Variants in RTKN2 observed in about 807,000 individuals in gnomAD.
RTKN2 encodes rhotekin-2.
Under a neutral mutation model 71.5 loss-of-function variants are expected in RTKN2, and 69 were observed. That is an observed-to-expected ratio of 0.96 (90% CI 0.79 to 1.18). RTKN2 has a LOEUF of 1.18. RTKN2 is among the 50% of genes most tolerant of loss of function. RTKN2 has a pLI of 0.00. For missense variants in RTKN2, 724 were observed against 719.7 expected, an observed-to-expected ratio of 1.01 and a Z score of -0.07; for synonymous variants, 236 against 236.5, an observed-to-expected ratio of 1.00 and a Z score of 0.02.
Position 62,198,273 on chromosome 10 carries a change from G to A in RTKN2, c.1465C>T (p.Pro489Ser), listed in dbSNP as rs780925935. The change falls in exon 12 of 12, where the codon CCT becomes TCT. Residue 489 changes from proline (P) to serine (S), a missense_variant. By Grantham distance (74) the Pro-to-Ser change is moderately conservative. Coordinates refer to ENST00000373789, the MANE Select transcript of RTKN2 (RefSeq NM_145307.4). Reference sequence around the variant, plus strand: ...TCATCATGTAATGGCTCACTTGCAGGATACAGTACCTTTTTCTGGATGACC... The same window carrying A: ...TCATCATGTAATGGCTCACTTGCAGAATACAGTACCTTTTTCTGGATGACC... The part of the protein sequence containing the change: ...QMVIQKKVLY[P>S]ASEPLHDEKG... The A allele has an allele frequency of 6.8e-6, 11 of 1,613,778 alleles. No individual in the cohort carries two copies. In the East Asian group the frequency reaches 2.2e-4, roughly 33 times the overall value.
At chr10:62,236,034 A>C (rs751921963) in intron 6 of RTKN2, 32 bp downstream of exon 6, 4 of 1,374,882 alleles carry the variant, frequency 2.9e-6, no homozygotes. Flanking sequence ...ATGTATAATT[A>C]TGTCACCATA....
At chr10:62,208,376 AG>A (rs1378848028) in intron 9 of RTKN2, among the ~76,000 whole-genome samples, 1 of 152,202 alleles carries the variant, frequency 6.6e-6, no homozygotes, top group Non-Finnish European at 1.5e-5. Flanking sequence ...AGCCTGGGCC[AG>A]GAAATGTATA....
At chr10:62,208,595 T>C (rs1841594673) in intron 9 of RTKN2, among the ~76,000 whole-genome samples, 1 of 152,170 alleles carries the variant, frequency 6.6e-6, no homozygotes, top group African/African-American at 2.4e-5. Flanking sequence ...ATGAACTCAT[T>C]GGTCACCTGT....
At chr10:62,217,736 T>C (rs569316942) in intron 8 of RTKN2, among the ~76,000 whole-genome samples, 3 of 152,342 alleles carry the variant, frequency 2.0e-5, no homozygotes, top group Non-Finnish European at 2.9e-5. Context: ...TATTGATTCA[T>C]TGAAGTTCAC....
In RTKN2 at chr10:62,241,141, C is replaced by T. The variant is rs753667914; in HGVS notation, c.370+1G>A. On this transcript the variant is annotated splice_donor_variant, in intron 4 of 11. Transcript: ENST00000373789. LOFTEE classifies it high-confidence loss of function. ...CAATTACAAATTAAAATCATACATA[C>T]GTTCTTTATTGCTGAAGTGATCAGA... The T allele has an allele frequency of 1.5e-5, 22 of 1,506,464 alleles. No homozygotes were observed. Among genetic ancestry groups the T allele is most frequent in the South Asian group, 1.3e-4 (11 of 85,542 alleles). The allele number at this position is 1,506,464 out of a possible 1,614,324, so 93.3% of individuals were successfully genotyped here. A position where few individuals can be genotyped will look rare whatever the true frequency, so the allele number is the denominator to read the frequency against.
At chr10:62,231,594 T>C (rs1432471164) in intron 6 of RTKN2, among the ~76,000 whole-genome samples, 1 of 152,188 alleles carries the variant, frequency 6.6e-6, no homozygotes, top group Non-Finnish European at 1.5e-5. Context: ...TAGCCAACCC[T>C]AATTTTGAGT....
intron 1 of RTKN2, among the ~76,000 whole-genome samples, chr10:62,267,822 G>A (rs1047863637): frequency 3.3e-5 from 5 of 152,206 alleles, no homozygotes; most frequent in Non-Finnish European, 5.9e-5. Context: ...AAAGACATCA[G>A]AGTTTTCTTT....
Position 62,218,223 on chromosome 10 carries a change from T to A in RTKN2, c.860A>T (p.Asp287Val), listed in dbSNP as rs1000043503. The change falls in exon 8 of 12, where the codon GAT becomes GTT. Residue 287 changes from aspartate to valine, a missense_variant. Asp to Val is a radical substitution (Grantham distance 152, BLOSUM62 -3). Coordinates refer to ENST00000373789, the MANE Select transcript of RTKN2 (RefSeq NM_145307.4). ...LVAQPACMAE[D>V]AFAGFLNQQQ... is the part of the protein sequence containing the mutation. ...CTGATTAAGAAATCCTGCAAATGCA[T>A]CCTCAGCCATACAAGCTGGCTGGGC... The A allele has an allele frequency of 3.1e-6, 5 of 1,612,936 alleles. No homozygotes were observed. Among genetic ancestry groups the A allele is most frequent in the Non-Finnish European group, 4.2e-6 (5 of 1,179,366 alleles).
intron 6 of RTKN2, among the ~76,000 whole-genome samples, chr10:62,234,504 AAAAG>A (rs1440941379): frequency 4.4e-4 from 51 of 117,190 alleles, no homozygotes; most frequent in African/African-American, 1.4e-3. Context: ...TAAAAAAAAA[AAAAG>A]AAAAAGAAAA....
In RTKN2 at chr10:62,196,577, T is replaced by C. The variant is rs551718715; in HGVS notation, c.*1331A>G. ...AAGTGTTCATTTTGTTTTGTAATAATGTAGTTCTGATCCAAATAGAGTTCT... is the reference window on the plus strand; with the variant it reads ...AAGTGTTCATTTTGTTTTGTAATAACGTAGTTCTGATCCAAATAGAGTTCT... On this transcript the variant is annotated 3_prime_UTR_variant, in exon 12 of 12. Coordinates refer to ENST00000373789, the MANE Select transcript of RTKN2 (RefSeq NM_145307.4). 1.3e-5 allele frequency: 13 copies of C among 985,328 alleles called. No homozygotes were observed. In the South Asian group the frequency reaches 6.1e-4, roughly 46 times the overall value. The allele number at this position is 985,328 out of a possible 1,614,324, so 61.0% of individuals were successfully genotyped here.
chr10:62,256,674 G>C (rs1386386524), intron 2 of RTKN2, among the ~76,000 whole-genome samples: 1 of 151,968 alleles, frequency 6.6e-6, no homozygotes, highest in Non-Finnish European at 1.5e-5. Flanking sequence ...ACACATGCTA[G>C]TATGTGTATT....
intron 9 of RTKN2, among the ~76,000 whole-genome samples, chr10:62,208,192 T>G (rs1468018134): frequency 6.6e-6 from 1 of 152,192 alleles, no homozygotes; most frequent in Admixed American, 6.5e-5. Context: ...GAATTAAAAC[T>G]GTACTTCCTC....
chr10:62,246,045 A>C lies in RTKN2; in HGVS notation c.270T>G (p.Phe90Leu). 1.3e-6 allele frequency: 2 copies of C among 1,595,248 alleles called. No individual in the cohort carries two copies. Among genetic ancestry groups the C allele is most frequent in the South Asian group, 2.3e-5 (2 of 88,040 alleles). ...ANQTGRCDVK[F>L]ESKERTACKG... ...TACATGCTGTTCGTTCTTTACTTTCAAATTTCACATCACTGTCAAAACAAA... is the reference window on the plus strand; with the variant it reads ...TACATGCTGTTCGTTCTTTACTTTCCAATTTCACATCACTGTCAAAACAAA... The change falls in exon 3 of 12, where the codon TTT becomes TTG. Residue 90 changes from phenylalanine (F) to leucine (L), a missense_variant. Coordinates refer to ENST00000373789, the MANE Select transcript of RTKN2 (RefSeq NM_145307.4).
intron 1 of RTKN2, among the ~76,000 whole-genome samples, chr10:62,263,229 T>C (rs931381712): frequency 3.9e-5 from 6 of 152,140 alleles, no homozygotes; most frequent in African/African-American, 1.2e-4. Flanking sequence ...ATGACTAGTG[T>C]CCTTAAAGAA....
At chr10:62,213,721 TAG>T (rs1476179633) in intron 9 of RTKN2, among the ~76,000 whole-genome samples, 7 of 152,088 alleles carry the variant, frequency 4.6e-5, no homozygotes, top group Non-Finnish European at 8.8e-5. Flanking sequence ...TCAAAAAATA[TAG>T]ATTTAATCAA....
At chr10:62,186,790 C>T (rs975286570) in intron 8 of RTKN2, among the ~76,000 whole-genome samples, 1 of 151,890 alleles carries the variant, frequency 6.6e-6, no homozygotes, top group African/African-American at 2.4e-5. Flanking sequence ...ATGAATAAAT[C>T]CAACTAATTT....
rs1841821954 is a variant in RTKN2, at chr10:62,218,273, A to G, written c.810T>C (p.Tyr270=). 6.2e-7 allele frequency: 1 copy of G among 1,613,118 alleles called. No individual in the cohort carries two copies. The highest frequency in any genetic ancestry group is 8.5e-7 in the Non-Finnish European group (1 of 1,179,428). ...NEESSFWLPL[Y]GNMCCRLVAQ... ...CAACTAGTCGGCAGCACATGTTGCC[A>G]TACAGGGGAAGCCAAAATGAAGACT... Residue 270 remains tyrosine (Y), a synonymous_variant, in exon 8 of 12, where the codon TAT becomes TAC. Transcript: ENST00000373789.
Position 62,197,913 on chromosome 10 carries a change from C to T in RTKN2, c.1825G>A (p.Val609Ile). ...LDPRSWLQAQ[V>I] ...GTTTTATCATTAAGAGTTTTCTATA[C>T]TTGTGCCTGCAGCCATGATCTAGGG... The change falls in exon 12 of 12, where the codon GTA becomes ATA. Residue 609 changes from valine (V) to isoleucine (I), a missense_variant. Coordinates refer to ENST00000373789, the MANE Select transcript of RTKN2 (RefSeq NM_145307.4). The T allele has an allele frequency of 6.2e-7, 1 of 1,609,336 alleles. No individual in the cohort carries two copies.
chr10:62,239,891 C>T, intron 4 of RTKN2, 126 bp from the exon 5 acceptor site: 1 of 599,894 alleles, frequency 1.7e-6, no homozygotes, highest in East Asian at 3.1e-5. Flanking sequence ...TATACTGTAA[C>T]CCTTAAGTCT....
Sources: allele counts gnomAD v4.1 joint callset (sites outside exome capture counted in the v4.1 genomes callset), GRCh38; gene constraint gnomAD v4.1.1; transcripts MANE v1.5; gene names NCBI Gene and HGNC (gene_info 2026-07-23, HGNC 2026-07-21).